Variants in MFGE8 observed in about 807,000 individuals in gnomAD.
The protein encoded by MFGE8 is milk fat globule EGF and factor V/VIII domain containing.
Under a neutral mutation model 42.6 loss-of-function variants are expected in MFGE8, and 34 were observed. The ratio of observed to expected loss-of-function variants is 0.80; its 90% CI spans 0.61 to 1.06. The LOEUF (loss-of-function observed/expected upper bound fraction) is 1.06. MFGE8 is among the 50% of genes least tolerant of loss of function. The probability of loss-of-function intolerance (pLI) is 0.00; values close to 1 mark genes in which losing one functional copy is unlikely to be tolerated. For missense variants in MFGE8, 510 were observed against 516.9 expected (o/e 0.99, Z 0.13); for synonymous variants, 230 against 214.8 (o/e 1.07, Z -0.62).
chr15:88,908,117 C>T (rs1898785584), intron 2 of MFGE8, among the ~76,000 whole-genome samples: 1 of 152,166 alleles, frequency 6.6e-6, no homozygotes, highest in Admixed American at 6.5e-5. Context: ...ACCATCACTC[C>T]AGCAGTGTGG....
At chr15:88,901,522 A>AC in intron 6 of MFGE8, 29 bp downstream of exon 6, 7 of 822,418 alleles carry the variant, frequency 8.5e-6, no homozygotes, top group South Asian at 1.3e-5. Flanking sequence ...ACCCAACCCC[A>AC]GCCCCATATC....
At chr15:88,900,885 G>A (rs548304459) in intron 6 of MFGE8, 12 of 302,078 alleles carry the variant, frequency 4.0e-5, no homozygotes, top group Middle Eastern at 1.6e-3. Context: ...TTCCGCCTCC[G>A]CCCTGCTGTC....
At chr15:88,901,512 A>ACCCAACCCCCCCC in intron 6 of MFGE8, 39 bp downstream of exon 6, 1 of 667,130 alleles carries the variant, frequency 1.5e-6, no homozygotes, top group Non-Finnish European at 2.7e-6. Flanking sequence ...ACCTCATCCC[A>ACCCAACCCCCCCC]CCCAACCCCA....
At position 88,905,660 on chromosome 15, in the gene MFGE8, C is replaced by T. The variant is rs939298960; in HGVS notation, c.685+97G>A. 3 of 1,555,384 alleles carry T rather than the reference C, an allele frequency of 1.9e-6. No homozygotes were observed. Among genetic ancestry groups the T allele is most frequent in the South Asian group, 2.2e-5 (2 of 89,358 alleles). On this transcript the variant is annotated intron_variant, in intron 5 of 7. Coordinates refer to ENST00000268150, the MANE Select transcript of MFGE8 (RefSeq NM_005928.4). The surrounding 1 kb of genome is among the most constrained non-coding windows in gnomAD (Gnocchi z 6.6). ...CTGGTCCCCGTGCCTTGTTGCTGCC[C>T]TACCTAGCTCAGTTTGGCTGAGAAA...
Position 88,899,562 on chromosome 15 carries a change from C to A in MFGE8, c.1027-30G>T. ...AGGCAGAGCGGGTGTCAGGAGGACC[C>A]CGAGCCAGCCCCCCTCCCCTCAGAG... On this transcript the variant is annotated intron_variant, in intron 7 of 7. Coordinates refer to ENST00000268150, the MANE Select transcript of MFGE8 (RefSeq NM_005928.4). The surrounding 1 kb of genome is among the most constrained non-coding windows in gnomAD (Gnocchi z 6.8). 1.2e-6 allele frequency: 2 copies of A among 1,614,150 alleles called. No individual in the cohort carries two copies. The highest frequency in any genetic ancestry group is 2.2e-5 in the East Asian group (1 of 44,872).
At position 88,905,737 on chromosome 15, in the gene MFGE8, C is replaced by T. The variant is rs761230984; in HGVS notation, c.685+20G>A. The T allele has an allele frequency of 1.9e-6, 3 of 1,613,886 alleles. No homozygotes were observed. In the South Asian group the frequency reaches 3.3e-5, roughly 18 times the overall value. ...AGGATTGGCCAACAGTGCCCCCCTA[C>T]CCGCACCCCCAGCACTCACCGTTCA... On this transcript the variant is annotated intron_variant, in intron 5 of 7. Coordinates refer to ENST00000268150, the MANE Select transcript of MFGE8 (RefSeq NM_005928.4). This position sits in a 1 kb window ranked among gnomAD's most constrained non-coding sequence, Gnocchi z 6.6.
intron 1 of MFGE8, chr15:88,912,039 G>T: frequency 1.9e-6 from 2 of 1,079,564 alleles, no homozygotes; most frequent in Admixed American, 4.6e-5. Context: ...CAACTGCACC[G>T]GCCCTCTCCC....
At position 88,899,253 on chromosome 15, in the gene MFGE8, G is replaced by T; in HGVS notation, c.*142C>A. 8.9e-7 allele frequency: 1 copy of T among 1,124,352 alleles called. No homozygotes were observed. The highest frequency in any genetic ancestry group is 1.3e-6 in the Non-Finnish European group (1 of 780,940). The allele number at this position is 1,124,352 out of a possible 1,614,324, so 69.6% of individuals were successfully genotyped here. A position where few individuals can be genotyped will look rare whatever the true frequency, so the allele number is the denominator to read the frequency against. Reference sequence around the variant, plus strand: ...AGGTGGAGGGTGGGAAAGAGGGAGGGAGGGGTGACTGTGTGGTGGTGCTGC... The same window carrying T: ...AGGTGGAGGGTGGGAAAGAGGGAGGTAGGGGTGACTGTGTGGTGGTGCTGC... On this transcript the variant is annotated 3_prime_UTR_variant, in exon 8 of 8. Coordinates refer to ENST00000268150, the MANE Select transcript of MFGE8 (RefSeq NM_005928.4). This position sits in a 1 kb window ranked among gnomAD's most constrained non-coding sequence, Gnocchi z 6.8.
Position 88,907,240 on chromosome 15 carries a change from G to C in MFGE8, c.342C>G (p.Val114=), listed in dbSNP as rs1898728909. 1 of 1,613,962 alleles carries C rather than the reference G, an allele frequency of 6.2e-7. No homozygotes were observed. Among genetic ancestry groups the C allele is most frequent in the African/African-American group, 1.3e-5 (1 of 74,908 alleles). ...ELARLNRAGM[V]NAWTPSSNDD... is the part of the protein sequence containing the mutation. ...CATTGCTGCTGGGTGTCCAGGCATT[G>C]ACCATGCCTGCGCGGTTCAGGCGGG... The change falls in exon 3 of 8, where the codon GTC becomes GTG. Residue 114 remains valine, a synonymous_variant. Transcript: ENST00000268150.
chr15:88,906,197 G>A lies in MFGE8; in HGVS notation c.541-296C>T, dbSNP rs1596196814. The stretch of plus-strand genomic sequence containing the variant: ...GGTACCTCTTTGCAAATTAGGAAAA[G>A]GCACTCCTTTCTCAAATAGTTTATT... On this transcript the variant is annotated intron_variant, in intron 4 of 7. Coordinates refer to ENST00000268150, the MANE Select transcript of MFGE8 (RefSeq NM_005928.4). The surrounding 1 kb of genome is among the most constrained non-coding windows in gnomAD (Gnocchi z 4.2). The A allele has an allele frequency of 2.0e-6, 1 of 511,770 alleles. No individual in the cohort carries two copies. The highest frequency in any genetic ancestry group is 2.1e-5 in the South Asian group (1 of 47,952). 31.7% of individuals were successfully genotyped at this position (511,770 alleles called of 1,614,324 possible).
rs1277347289 is a variant in MFGE8, at chr15:88,913,269, G to A, written c.51C>T (p.Ala17=). The A allele has an allele frequency of 4.7e-6, 7 of 1,502,796 alleles. No homozygotes were observed. Among genetic ancestry groups the A allele is most frequent in the Non-Finnish European group, 6.2e-6 (7 of 1,133,850 alleles). 93.1% of individuals were successfully genotyped at this position (1,502,796 alleles called of 1,614,324 possible). Residue 17 remains alanine, a synonymous_variant, in exon 1 of 8, where the codon GCC becomes GCT. Transcript: ENST00000268150. ...CACCCAGGGCGACGAGGAGGCTGGG[G>A]GCGCAGAGCAGCGCGCCGCACAGCG... ...LAALCGALLC[A]PSLLVALDIC...
rs1212471649 is a variant in MFGE8, at chr15:88,906,177, C to T, written c.541-276G>A. ...GGGCCACCTGTAACCTACAGGGTAC[C>T]TCTTTGCAAATTAGGAAAAGGCACT... is the stretch of plus-strand genomic sequence containing the variant. On this transcript the variant is annotated intron_variant, in intron 4 of 7. Coordinates refer to ENST00000268150, the MANE Select transcript of MFGE8 (RefSeq NM_005928.4). This position sits in a 1 kb window ranked among gnomAD's most constrained non-coding sequence, Gnocchi z 4.2. 2 of 539,944 alleles carry T rather than the reference C, an allele frequency of 3.7e-6. No individual in the cohort carries two copies. Among genetic ancestry groups the T allele is most frequent in the East Asian group, 6.6e-5 (2 of 30,506 alleles). The allele number at this position is 539,944 out of a possible 1,614,324, so 33.4% of individuals were successfully genotyped here.
At chr15:88,901,965 C>T in intron 5 of MFGE8, 1 of 553,820 alleles carries the variant, frequency 1.8e-6, no homozygotes, top group Admixed American at 2.7e-5. Flanking sequence ...TCACAGATCA[C>T]CCAAGACCTC....
At position 88,906,465 on chromosome 15, in the gene MFGE8, C is replaced by G; in HGVS notation, c.540+161G>C. On this transcript the variant is annotated intron_variant, in intron 4 of 7. Transcript: ENST00000268150. The surrounding 1 kb of genome is among the most constrained non-coding windows in gnomAD (Gnocchi z 4.2). ...GCTTATAAACCACAGAACATGGACA[C>G]AGTCTGGGTTTCCCAATTTCTAGAA... 1 of 771,564 alleles carries G rather than the reference C, an allele frequency of 1.3e-6. No individual in the cohort carries two copies. The highest frequency in any genetic ancestry group is 2.3e-6 in the Non-Finnish European group (1 of 437,784). 47.8% of individuals were successfully genotyped at this position (771,564 alleles called of 1,614,324 possible).
intron 2 of MFGE8, among the ~76,000 whole-genome samples, chr15:88,907,982 C>A (rs1292270601): frequency 6.6e-6 from 1 of 152,162 alleles, no homozygotes; most frequent in Non-Finnish European, 1.5e-5. Context: ...TTCTAGAATC[C>A]CACTGGCAGG....
rs1341495409 is a variant in MFGE8, at chr15:88,913,281, C to G, written c.39G>C (p.Ala13=). 6.7e-7 allele frequency: 1 copy of G among 1,488,604 alleles called. No homozygotes were observed. Among genetic ancestry groups the G allele is most frequent in the Non-Finnish European group, 8.9e-7 (1 of 1,127,962 alleles). 92.2% of individuals were successfully genotyped at this position (1,488,604 alleles called of 1,614,324 possible). A position where few individuals can be genotyped will look rare whatever the true frequency, so the allele number is the denominator to read the frequency against. The change falls in exon 1 of 8, where the codon GCG becomes GCC. Residue 13 remains alanine (A), a synonymous_variant. Transcript: ENST00000268150. ...CGAGGAGGCTGGGGGCGCAGAGCAGCGCGCCGCACAGCGCGGCCAGCAGGC... is the reference window on the plus strand; with the variant it reads ...CGAGGAGGCTGGGGGCGCAGAGCAGGGCGCCGCACAGCGCGGCCAGCAGGC... ...RPRLLAALCG[A]LLCAPSLLVA... is the part of the protein sequence containing the mutation.
In MFGE8 at chr15:88,899,595, C is replaced by T; in HGVS notation, c.1026+61G>A. On this transcript the variant is annotated intron_variant, in intron 7 of 7. Coordinates refer to ENST00000268150, the MANE Select transcript of MFGE8 (RefSeq NM_005928.4). The surrounding 1 kb of genome is among the most constrained non-coding windows in gnomAD (Gnocchi z 6.8). The stretch of plus-strand genomic sequence containing the variant: ...GCCCCCCTCCCCTCAGAGCCCCAGG[C>T]CAGACTCCCAGGGAAGTAATGAAGG... 2 of 1,614,140 alleles carry T rather than the reference C, an allele frequency of 1.2e-6. No homozygotes were observed. Among genetic ancestry groups the T allele is most frequent in the Non-Finnish European group, 1.7e-6 (2 of 1,180,004 alleles).
chr15:88,909,542 T>A (rs1412487053), intron 2 of MFGE8, among the ~76,000 whole-genome samples: 1 of 152,196 alleles, frequency 6.6e-6, no homozygotes, highest in Non-Finnish European at 1.5e-5. Flanking sequence ...TGCATCAGCA[T>A]CAGGCCTGGC....
At position 88,912,269 on chromosome 15, in the gene MFGE8, A is replaced by G. The variant is rs1021913410; in HGVS notation, c.73+978T>C. 3.1e-6 allele frequency: 4 copies of G among 1,289,264 alleles called. No homozygotes were observed. In the African/African-American group the frequency reaches 4.6e-5, roughly 15 times the overall value. The allele number at this position is 1,289,264 out of a possible 1,614,324, so 79.9% of individuals were successfully genotyped here. A position where few individuals can be genotyped will look rare whatever the true frequency, so the allele number is the denominator to read the frequency against. On this transcript the variant is annotated intron_variant, in intron 1 of 7. Transcript: ENST00000268150. Reference sequence around the variant, plus strand: ...AGAGTTCAGGTTGGGGGGTACAGGGAAGAGTAGAAAGGGGCTAAGAAGATC... The same window carrying G: ...AGAGTTCAGGTTGGGGGGTACAGGGGAGAGTAGAAAGGGGCTAAGAAGATC...
Sources: gnomAD v4.1 joint callset for allele counts (sites outside exome capture counted in the v4.1 genomes callset) on GRCh38, gnomAD v4.1.1 for gene constraint, Gnocchi (gnomAD v3.1) non-coding constraint, MANE v1.5 for transcripts, NCBI Gene and HGNC (gene_info 2026-07-23, HGNC 2026-07-21) for gene names.